MRTFA: variants seen among roughly 807,000 people sequenced by gnomAD.
The protein encoded by MRTFA is myocardin related transcription factor A, also known as myocardin-related transcription factor A.
Under a neutral mutation model 83.5 loss-of-function variants are expected in MRTFA, and 20 were observed. The observed-to-expected ratio is 0.24, with a 90% confidence interval of 0.17 to 0.35. The LOEUF (loss-of-function observed/expected upper bound fraction) is 0.35, where lower values mean the gene tolerates loss of function less well. Among genes scored for constraint, MRTFA ranks in the 10% least tolerant of loss-of-function variants. The pLI is 1.00. For synonymous variants in MRTFA, 659 were observed against 541.2 expected, an observed-to-expected ratio of 1.22 and a Z score of -3.02; for missense variants, 1,200 against 1,224.7, an observed-to-expected ratio of 0.98 and a Z score of 0.30.
At chr22:40,557,317 C>G (rs556631869) in intron 2 of MRTFA, among the ~76,000 whole-genome samples, 1 of 152,318 alleles carries the variant, frequency 6.6e-6, no homozygotes, top group Non-Finnish European at 1.5e-5. Context: ...CACTAAAATA[C>G]TATAGCTAAA....
At chr22:40,615,238 TAA>T (rs1435283264) in intron 1 of MRTFA, among the ~76,000 whole-genome samples, 1 of 152,214 alleles carries the variant, frequency 6.6e-6, no homozygotes, top group Non-Finnish European at 1.5e-5. Flanking sequence ...CAATAGCTGT[TAA>T]AAAGACTATA....
chr22:40,500,795 T>C (rs956246081), intron 3 of MRTFA, among the ~76,000 whole-genome samples: 5 of 151,350 alleles, frequency 3.3e-5, no homozygotes, highest in Non-Finnish European at 7.4e-5. Context: ...GTCTACTTCT[T>C]TCTACACAGA....
In MRTFA at chr22:40,569,291, G is replaced by A. The variant is rs536022670; in HGVS notation, c.-21-16924C>T. 33 of 200,916 alleles carry A rather than the reference G, an allele frequency of 1.6e-4. 1 individual carries two copies. In the South Asian group the frequency reaches 3.2e-3, roughly 19 times the overall value. 12.4% of individuals were successfully genotyped at this position (200,916 alleles called of 1,614,324 possible). A position where few individuals can be genotyped will look rare whatever the true frequency, so the allele number is the denominator to read the frequency against. ...CCATTGAGCTGAGAACTGCACCATG[G>A]CAAAAGACATCAAGACCAAAATCAA... On this transcript the variant is annotated intron_variant, in intron 2 of 14. Coordinates refer to ENST00000355630, the MANE Select transcript of MRTFA (RefSeq NM_020831.6).
At chr22:40,542,632 CA>C (rs1290270836) in intron 3 of MRTFA, among the ~76,000 whole-genome samples, 1 of 151,664 alleles carries the variant, frequency 6.6e-6, no homozygotes, top group Non-Finnish European at 1.5e-5. Context: ...ATCTGAAATG[CA>C]AAAAAATTTT....
In MRTFA at chr22:40,419,125, CTGGCCACCG is replaced by C. The variant is rs745744064; in HGVS notation, c.1604_1612del (p.Thr535_Ala537del). The C allele has an allele frequency of 3.8e-5, 60 of 1,590,192 alleles. No homozygotes were observed. Among genetic ancestry groups the C allele is most frequent in the Non-Finnish European group, 4.8e-5 (56 of 1,168,530 alleles). On this transcript the variant is annotated inframe_deletion, in exon 12 of 15. Coordinates refer to ENST00000355630, the MANE Select transcript of MRTFA (RefSeq NM_020831.6). ...GCTGCCAAACTTCACCACCCCACTG[CTGGCCACCG>C]TGGCCACCACCACCTCAGCTGGAGC... is the stretch of plus-strand genomic sequence containing the variant.
chr22:40,553,111 TGA>T (rs1955408387), intron 2 of MRTFA, among the ~76,000 whole-genome samples: 1 of 152,090 alleles, frequency 6.6e-6, no homozygotes. Context: ...ACTTTGAACT[TGA>T]GAGAGATGAT....
At chr22:40,596,678 G>A (rs1367666432) in intron 1 of MRTFA, among the ~76,000 whole-genome samples, 2 of 152,080 alleles carry the variant, frequency 1.3e-5, no homozygotes, top group African/African-American at 4.8e-5. Context: ...GTGGTGGCAC[G>A]TACCTGTAGT....
intron 2 of MRTFA, among the ~76,000 whole-genome samples, chr22:40,571,594 C>A (rs1350013481): frequency 1.3e-5 from 2 of 152,052 alleles, no homozygotes; most frequent in Non-Finnish European, 2.9e-5. Flanking sequence ...AATAAGGCAA[C>A]CAAATTTTAA....
rs2056002848 is a variant in MRTFA at position 40,584,731 on chromosome 22, A to AG, written c.-22+9942_-22+9943insC. On this transcript the variant is annotated intron_variant, in intron 2 of 14. Coordinates refer to ENST00000355630, the MANE Select transcript of MRTFA (RefSeq NM_020831.6). ...GGCAACAAGAGTGAGACTCTGTCTC[A>AG]AAAAAAAAAAAAAAAAAAGCCAAGT... is the stretch of plus-strand genomic sequence containing the variant. Among the ~76,000 whole-genome samples, 8 of 103,370 alleles carry AG rather than the reference A, an allele frequency of 7.7e-5. No homozygotes were observed. The South Asian group carries it at 2.1e-3, about 27-fold the overall frequency. The allele number at this position is 103,370 out of a possible 152,430, so 67.8% of individuals were successfully genotyped here.
chr22:40,477,299 G>T (rs963348430), intron 3 of MRTFA, among the ~76,000 whole-genome samples: 20 of 151,494 alleles, frequency 1.3e-4, no homozygotes, highest in Admixed American at 1.1e-3. Context: ...GCAGTGAGCC[G>T]AGATCACGCC....
intron 3 of MRTFA, among the ~76,000 whole-genome samples, chr22:40,533,263 A>T (rs1368640144): frequency 6.6e-6 from 1 of 152,234 alleles, no homozygotes; most frequent in Non-Finnish European, 1.5e-5. Context: ...TAAAACAGCA[A>T]AGCAATTTAA....
intron 2 of MRTFA, among the ~76,000 whole-genome samples, chr22:40,553,837 G>A (rs944613564): frequency 3.9e-5 from 6 of 152,164 alleles, no homozygotes; most frequent in African/African-American, 1.4e-4. Flanking sequence ...AAAAGCTGTA[G>A]ACACTCAACA....
intron 11 of MRTFA, 23 bp downstream of exon 11, chr22:40,420,382 C>T (rs775752877): frequency 1.9e-6 from 3 of 1,605,742 alleles, no homozygotes; most frequent in Non-Finnish European, 2.6e-6. Flanking sequence ...GGCAGTGGCT[C>T]AAGTTTTCCA....
At chr22:40,632,474 C>T (rs371103005) in intron 1 of MRTFA, among the ~76,000 whole-genome samples, 4 of 151,772 alleles carry the variant, frequency 2.6e-5, no homozygotes, top group East Asian at 1.9e-4. Flanking sequence ...GATACTCTGC[C>T]GCCCAGGCTG....
intron 3 of MRTFA, among the ~76,000 whole-genome samples, chr22:40,530,750 A>G (rs181664000): frequency 6.6e-6 from 1 of 152,392 alleles, no homozygotes; most frequent in East Asian, 1.9e-4. Flanking sequence ...ACATTCTGAG[A>G]TGCAGAAGAA....
intron 2 of MRTFA, among the ~76,000 whole-genome samples, chr22:40,565,320 G>C (rs149282167): frequency 1.3e-5 from 2 of 152,156 alleles, no homozygotes; most frequent in Admixed American, 1.3e-4. Context: ...GCCAAGGCGG[G>C]AGGACCACTT....
chr22:40,453,504 G>A (rs764378042), intron 4 of MRTFA, among the ~76,000 whole-genome samples: 1 of 152,082 alleles, frequency 6.6e-6, no homozygotes, highest in Non-Finnish European at 1.5e-5. Flanking sequence ...GACACACAGG[G>A]GCAGCAGTTG....
At chr22:40,518,899 C>A (rs1214475393) in intron 3 of MRTFA, among the ~76,000 whole-genome samples, 1 of 148,058 alleles carries the variant, frequency 6.8e-6, no homozygotes, top group African/African-American at 2.5e-5. Flanking sequence ...TTTATTTTTG[C>A]TGGAATTCTT....
chr22:40,430,257 GCA>G (rs2147092082), intron 6 of MRTFA, among the ~76,000 whole-genome samples: 1 of 152,232 alleles, frequency 6.6e-6, no homozygotes, highest in East Asian at 1.9e-4. Flanking sequence ...GGAGGCCAAG[GCA>G]TGTGGATCAC....
Sources: gnomAD v4.1 joint callset for allele counts (sites outside exome capture counted in the v4.1 genomes callset) on GRCh38, gnomAD v4.1.1 for gene constraint, MANE v1.5 for transcripts, NCBI Gene and HGNC (gene_info 2026-07-23, HGNC 2026-07-21) for gene names.